C5orf15: variants seen among roughly 807,000 people sequenced by gnomAD.
The protein encoded by C5orf15 is chromosome 5 open reading frame 15.
Under a neutral mutation model 17.8 loss-of-function variants are expected in C5orf15, and 10 were observed. The observed-to-expected ratio is 0.56, with a 90% CI of 0.35 to 0.95. The LOEUF is 0.95. Ranked by LOEUF, C5orf15 falls within the 40% of genes least tolerant of loss-of-function variation. The pLI is 0.02. For missense variants in C5orf15, 319 were observed against 331.7 expected (o/e 0.96, Z 0.30); for synonymous variants, 124 against 131.0 (o/e 0.95, Z 0.36).
chr5:133,958,884 A>G (rs1580697831), intron 2 of C5orf15, among the ~76,000 whole-genome samples: 1 of 152,148 alleles, frequency 6.6e-6, no homozygotes, highest in African/African-American at 2.4e-5. Flanking sequence ...ATGATGCCAA[A>G]TTAAGACATA....
At chr5:133,959,404 C>CTTTTAAAA (rs1752084810) in intron 2 of C5orf15, 90 bp downstream of exon 2, 1 of 121,926 alleles carries the variant, frequency 8.2e-6, no homozygotes, top group Non-Finnish European at 1.3e-5. Flanking sequence ...CTTTTTTTTG[C>CTTTTAAAA]AAAAAAAAAA....
chr5:133,962,588 C>T (rs536534923), intron 1 of C5orf15, among the ~76,000 whole-genome samples: 2 of 152,294 alleles, frequency 1.3e-5, no homozygotes, highest in South Asian at 4.1e-4. Context: ...AGAGTTCACT[C>T]CATCTAAGAC....
intron 1 of C5orf15, among the ~76,000 whole-genome samples, chr5:133,967,913 G>A (rs975823015): frequency 1.3e-4 from 19 of 151,898 alleles, no homozygotes; most frequent in African/African-American, 4.6e-4. Context: ...GCCCCTGCCC[G>A]CCTCGGTCTT....
rs184898104 is a variant in C5orf15 at position 133,959,392 on chromosome 5, C to T, written c.666+102G>A. ...TTGGTTGACAGAGTGAAACCCACTA[C>T]ACTTTTTTTTGCAAAAAAAAAAAAA... is the stretch of plus-strand genomic sequence containing the variant. On this transcript the variant is annotated intron_variant, in intron 2 of 2. Transcript: ENST00000231512. 45 of 761,676 alleles carry T rather than the reference C, an allele frequency of 5.9e-5. 1 individual carries two copies. In the Admixed American group the frequency reaches 9.4e-4, roughly 16 times the overall value. 47.2% of individuals were successfully genotyped at this position (761,676 alleles called of 1,614,324 possible).
chr5:133,968,194 C>A (rs1290841769), intron 1 of C5orf15, among the ~76,000 whole-genome samples: 2 of 152,142 alleles, frequency 1.3e-5, no homozygotes, highest in Admixed American at 1.3e-4. Context: ...CATCTACACA[C>A]CCTGCTGCCT....
chr5:133,960,750 GCTA>G (rs902404589), intron 1 of C5orf15, among the ~76,000 whole-genome samples: 1 of 152,068 alleles, frequency 6.6e-6, no homozygotes, highest in African/African-American at 2.4e-5. Flanking sequence ...TCCCTGTGCT[GCTA>G]CCTACTCAGC....
At chr5:133,963,493 A>G (rs1308973921) in intron 1 of C5orf15, among the ~76,000 whole-genome samples, 1 of 152,226 alleles carries the variant, frequency 6.6e-6, no homozygotes, top group African/African-American at 2.4e-5. Flanking sequence ...TATGTATAAA[A>G]TAACACAAGA....
chr5:133,964,789 T>G (rs1752170988), intron 1 of C5orf15, among the ~76,000 whole-genome samples: 1 of 152,218 alleles, frequency 6.6e-6, no homozygotes, highest in Non-Finnish European at 1.5e-5. Context: ...AATCTGTTAT[T>G]CTGACATATG....
rs527750296 is a variant in C5orf15, at chr5:133,959,668, C to T, written c.492G>A (p.Glu164=). Residue 164 remains glutamate (E), a synonymous_variant, in exon 2 of 3, where the codon GAG becomes GAA. Transcript: ENST00000231512. ...TGTTTTCTTCCAAGGTGTCATCAGA[C>T]TCGTCGTCGTCCCTGGGGCCCGTGG... The part of the protein sequence containing the change: ...DWTTGPRDDD[E]SDDTLEENRG... 4 of 1,613,572 alleles carry T rather than the reference C, an allele frequency of 2.5e-6. No individual in the cohort carries two copies. In the South Asian group the frequency reaches 4.4e-5, roughly 18 times the overall value.
At chr5:133,958,701 C>A (rs1323130903) in intron 2 of C5orf15, among the ~76,000 whole-genome samples, 1 of 150,058 alleles carries the variant, frequency 6.7e-6, no homozygotes, top group African/African-American at 2.5e-5. Flanking sequence ...AACGTTAATG[C>A]TGAGAAGTAG....
intron 1 of C5orf15, among the ~76,000 whole-genome samples, chr5:133,962,204 G>A (rs930086735): frequency 1.3e-5 from 2 of 152,084 alleles, no homozygotes; most frequent in Non-Finnish European, 2.9e-5. Context: ...ACCTTTAAAG[G>A]ACACAAGCTG....
At chr5:133,957,258 G>A (rs1752053997) in intron 2 of C5orf15, among the ~76,000 whole-genome samples, 1 of 151,780 alleles carries the variant, frequency 6.6e-6, no homozygotes, top group South Asian at 2.1e-4. Context: ...CAGCTACTCA[G>A]GAGGCTAAGG....
At chr5:133,967,663 G>A (rs1435324333) in intron 1 of C5orf15, among the ~76,000 whole-genome samples, 1 of 152,096 alleles carries the variant, frequency 6.6e-6, no homozygotes, top group East Asian at 1.9e-4. Context: ...GCATTAAAAC[G>A]AGGCAGGGTT....
At chr5:133,960,919 C>T (rs1427429749) in intron 1 of C5orf15, among the ~76,000 whole-genome samples, 2 of 150,988 alleles carry the variant, frequency 1.3e-5, no homozygotes, top group East Asian at 3.9e-4. Context: ...CTTCAAGGAC[C>T]TCTACTACAC....
intron 1 of C5orf15, among the ~76,000 whole-genome samples, chr5:133,967,796 A>G (rs112328022): frequency 0.021 from 3,176 of 152,034 alleles, 132 homozygotes; most frequent in African/African-American, 0.072. Flanking sequence ...ATCAAACACC[A>G]GAACCTCCCA....
At chr5:133,966,158 T>C (rs1580700186) in intron 1 of C5orf15, among the ~76,000 whole-genome samples, 1 of 151,278 alleles carries the variant, frequency 6.6e-6, no homozygotes, top group African/African-American at 2.4e-5. Flanking sequence ...GAGGCGGAGG[T>C]TGCAATGAGC....
At chr5:133,960,916 G>T (rs1752113347) in intron 1 of C5orf15, among the ~76,000 whole-genome samples, 2 of 150,710 alleles carry the variant, frequency 1.3e-5, no homozygotes, top group African/African-American at 4.9e-5. Flanking sequence ...GAACTTCAAG[G>T]ACCTCTACTA....
In C5orf15 at chr5:133,959,976, G is replaced by A. The variant is rs1204014960; in HGVS notation, c.184C>T (p.His62Tyr). The A allele has an allele frequency of 6.2e-7, 1 of 1,613,904 alleles. No homozygotes were observed. The highest frequency in any genetic ancestry group is 8.5e-7 in the Non-Finnish European group (1 of 1,179,966). The change falls in exon 2 of 3, where the codon CAT becomes TAT. Residue 62 changes from histidine (H) to tyrosine (Y), a missense_variant. By Grantham distance (83) the His-to-Tyr change is moderately conservative. This residue lies in a region of C5orf15 where 127 missense variants were observed against 95.6 expected (regional missense o/e 1.33). Transcript: ENST00000231512. Reference sequence around the variant, plus strand: ...GCATTCACATTTGGGGTAGAAATATGTGAGTTGAGTACGGTTGGGCTCGGT... The same window carrying A: ...GCATTCACATTTGGGGTAGAAATATATGAGTTGAGTACGGTTGGGCTCGGT... ...DSPSPTVLNS[H>Y]ISTPNVNALT...
At chr5:133,957,514 G>A (rs1752056744) in intron 2 of C5orf15, among the ~76,000 whole-genome samples, 1 of 152,174 alleles carries the variant, frequency 6.6e-6, no homozygotes, top group Non-Finnish European at 1.5e-5. Flanking sequence ...TTGAGGTAGA[G>A]CCCAGGAACC....
Sources: allele counts gnomAD v4.1 joint callset (sites outside exome capture counted in the v4.1 genomes callset), GRCh38; gene constraint gnomAD v4.1.1; regional missense constraint gnomAD v4.1.1; transcripts MANE v1.5; gene names NCBI Gene and HGNC (gene_info 2026-07-23, HGNC 2026-07-21).